Variants in OBI1 observed in about 807,000 individuals in gnomAD.
The protein encoded by OBI1 is ring finger protein 219.
A neutral mutation model predicts 62.4 loss-of-function variants in OBI1; 59 were observed. That is an observed-to-expected ratio of 0.95 (90% confidence interval 0.77 to 1.17). The LOEUF (loss-of-function observed/expected upper bound fraction) is 1.17. Among genes scored for constraint, OBI1 ranks in the 50% most tolerant of loss-of-function variants. The pLI is 0.00. For synonymous variants in OBI1, 302 were observed against 292.8 expected (o/e 1.03, Z -0.32); for missense variants, 875 against 830.9 (o/e 1.05, Z -0.65).
rs894615048 is a variant in OBI1, at chr13:78,646,880, T to C, written c.73-1883A>G. 3.9e-5 allele frequency among the ~76,000 whole-genome samples: 6 copies of C among 152,204 alleles called. No homozygotes were observed. The East Asian group carries it at 1.2e-3, about 29-fold the overall frequency. ...AGACATAAGAAACTCCATTTTGACCTGTACCCTGAACAATTGCTTTGCCCT... is the reference window on the plus strand; with the variant it reads ...AGACATAAGAAACTCCATTTTGACCCGTACCCTGAACAATTGCTTTGCCCT... On this transcript the variant is annotated intron_variant, in intron 1 of 5. Coordinates refer to ENST00000282003, the MANE Select transcript of OBI1 (RefSeq NM_024546.4).
At chr13:78,637,252 T>C (rs1187739906) in intron 4 of OBI1, among the ~76,000 whole-genome samples, 1 of 152,214 alleles carries the variant, frequency 6.6e-6, no homozygotes, top group African/African-American at 2.4e-5. Context: ...TACTCCACAC[T>C]TTAGTTTTTA....
Position 78,616,275 on chromosome 13 carries a change from A to C in OBI1, c.1486T>G (p.Ser496Ala). Residue 496 changes from serine (S) to alanine (A), a missense_variant, in exon 6 of 6, where the codon TCT becomes GCT. Coordinates refer to ENST00000282003, the MANE Select transcript of OBI1 (RefSeq NM_024546.4). ...NTIANSVGEI[S>A]SKLSEKSGLC... ...CCTGATTTCTCACTCAATTTTGAAGATATTTCTCCAACAGAATTTGCTATC... is the reference window on the plus strand; with the variant it reads ...CCTGATTTCTCACTCAATTTTGAAGCTATTTCTCCAACAGAATTTGCTATC... 1 of 1,613,850 alleles carries C rather than the reference A, an allele frequency of 6.2e-7. No individual in the cohort carries two copies. The highest frequency in any genetic ancestry group is 8.5e-7 in the Non-Finnish European group (1 of 1,179,804).
intron 5 of OBI1, among the ~76,000 whole-genome samples, chr13:78,632,874 A>G (rs1266998948): frequency 1.3e-5 from 2 of 152,194 alleles, no homozygotes; most frequent in African/African-American, 4.8e-5. Flanking sequence ...CCTGAAGGGA[A>G]CCAATGGAAG....
intron 1 of OBI1, among the ~76,000 whole-genome samples, chr13:78,658,553 A>C (rs941590176): frequency 6.6e-6 from 1 of 152,220 alleles, no homozygotes; most frequent in Non-Finnish European, 1.5e-5. Context: ...GGCCAGGATA[A>C]AGGCAAAAGG....
intron 5 of OBI1, among the ~76,000 whole-genome samples, chr13:78,624,040 T>C (rs1304046730): frequency 6.6e-6 from 1 of 152,224 alleles, no homozygotes; most frequent in Non-Finnish European, 1.5e-5. Context: ...AAAGTATGTA[T>C]GATAAACTTG....
chr13:78,654,329 C>T (rs772013073), intron 1 of OBI1, among the ~76,000 whole-genome samples: 62 of 152,004 alleles, frequency 4.1e-4, no homozygotes, highest in Admixed American at 1.3e-4. Flanking sequence ...AACTTATTTT[C>T]AACTGGAAAA....
chr13:78,654,074 C>G (rs886745572), intron 1 of OBI1, among the ~76,000 whole-genome samples: 2 of 150,834 alleles, frequency 1.3e-5, no homozygotes, highest in African/African-American at 4.9e-5. Context: ...CACTTAATGC[C>G]TATAGAACTG....
At chr13:78,654,173 G>A (rs1876629164) in intron 1 of OBI1, among the ~76,000 whole-genome samples, 1 of 151,990 alleles carries the variant, frequency 6.6e-6, no homozygotes, top group Non-Finnish European at 1.5e-5. Context: ...GGGATAAACT[G>A]GAATTGTACT....
chr13:78,618,773 G>A (rs1593784474), intron 5 of OBI1, among the ~76,000 whole-genome samples: 4 of 152,230 alleles, frequency 2.6e-5, no homozygotes, highest in East Asian at 3.9e-4. Context: ...CCATTTTAAA[G>A]ACAAAGTTTA....
intron 1 of OBI1, among the ~76,000 whole-genome samples, chr13:78,650,710 T>C (rs1053763067): frequency 6.6e-6 from 1 of 150,790 alleles, no homozygotes; most frequent in African/African-American, 2.4e-5. Flanking sequence ...ATATAATGGA[T>C]GTCAGCACAG....
In OBI1 at chr13:78,653,906, G is replaced by C. The variant is rs180791201; in HGVS notation, c.72+5143C>G. On this transcript the variant is annotated intron_variant, in intron 1 of 5. Transcript: ENST00000282003. ...CTTCAGTGTAAAAATGACTATGGTAGGGGCACCACTACTTCAACATTAGGA... is the reference window on the plus strand; with the variant it reads ...CTTCAGTGTAAAAATGACTATGGTACGGGCACCACTACTTCAACATTAGGA... 2.9e-3 allele frequency among the ~76,000 whole-genome samples: 438 copies of C among 152,140 alleles called. 1 individual carries two copies. The highest frequency in any genetic ancestry group is 1.0e-2 in the African/African-American group (413 of 41,494).
intron 5 of OBI1, among the ~76,000 whole-genome samples, chr13:78,619,564 A>G (rs1875444363): frequency 6.6e-6 from 1 of 152,002 alleles, no homozygotes; most frequent in Non-Finnish European, 1.5e-5. Context: ...CTATAAATCT[A>G]TAATACTTTC....
At position 78,639,484 on chromosome 13, in the gene OBI1, A is replaced by G. The variant is rs7324634; in HGVS notation, c.301-413T>C. 3.2e-3 allele frequency among the ~76,000 whole-genome samples: 490 copies of G among 151,874 alleles called. 3 individuals carry two copies. Among genetic ancestry groups the G allele is most frequent in the African/African-American group, 0.011 (465 of 41,320 alleles). Reference sequence around the variant, plus strand: ...GAATACCATTTGACCCAGCCATCCCATTACTGGGTATATACCCAAAGGACT... The same window carrying G: ...GAATACCATTTGACCCAGCCATCCCGTTACTGGGTATATACCCAAAGGACT... On this transcript the variant is annotated intron_variant, in intron 3 of 5. Coordinates refer to ENST00000282003, the MANE Select transcript of OBI1 (RefSeq NM_024546.4).
intron 1 of OBI1, among the ~76,000 whole-genome samples, chr13:78,652,120 G>A (rs892639801): frequency 6.6e-6 from 1 of 152,144 alleles, no homozygotes; most frequent in African/African-American, 2.4e-5. Context: ...CCACCTTTGT[G>A]TTGGGAAGAT....
At chr13:78,646,700 G>A (rs1876394584) in intron 1 of OBI1, among the ~76,000 whole-genome samples, 1 of 151,948 alleles carries the variant, frequency 6.6e-6, no homozygotes, top group Admixed American at 6.5e-5. Flanking sequence ...GAAAATGCTT[G>A]TGCTACTCTA....
At chr13:78,649,103 T>G (rs1876471105) in intron 1 of OBI1, among the ~76,000 whole-genome samples, 1 of 152,202 alleles carries the variant, frequency 6.6e-6, no homozygotes, top group African/African-American at 2.4e-5. Context: ...TTAGCCATGC[T>G]AAATTTGTGA....
chr13:78,623,438 T>C (rs1875573265), intron 5 of OBI1, among the ~76,000 whole-genome samples: 1 of 152,146 alleles, frequency 6.6e-6, no homozygotes, highest in Non-Finnish European at 1.5e-5. Context: ...CACAGTGCTA[T>C]ATGCTTGATA....
chr13:78,643,902 A>G (rs1210991296), intron 2 of OBI1, among the ~76,000 whole-genome samples: 3 of 152,190 alleles, frequency 2.0e-5, no homozygotes, highest in African/African-American at 4.8e-5. Context: ...ATTCACTTTC[A>G]ATTTTTCCTA....
chr13:78,633,585 G>A (rs1229845710), intron 5 of OBI1, among the ~76,000 whole-genome samples: 1 of 152,144 alleles, frequency 6.6e-6, no homozygotes, highest in East Asian at 1.9e-4. Context: ...AGAGGTTGCT[G>A]GACATTGGGG....
Sources: gnomAD v4.1 joint callset for allele counts (sites outside exome capture counted in the v4.1 genomes callset) on GRCh38, gnomAD v4.1.1 for gene constraint, MANE v1.5 for transcripts, NCBI Gene and HGNC (gene_info 2026-07-23, HGNC 2026-07-21) for gene names.